CCDC30: variants seen among roughly 807,000 people sequenced by gnomAD.
CCDC30 encodes the protein coiled-coil domain containing 30, also known as coiled-coil domain-containing protein 30.
Under a neutral mutation model 100.2 loss-of-function variants are expected in CCDC30, and 70 were observed. That is an observed-to-expected ratio of 0.70 (90% CI 0.58 to 0.85). The LOEUF (loss-of-function observed/expected upper bound fraction) is 0.85. Among genes scored for constraint, CCDC30 ranks in the 40% least tolerant of loss-of-function variants. The pLI is 0.00. For synonymous variants in CCDC30, 233 were observed against 269.5 expected, an observed-to-expected ratio of 0.86 and a Z score of 1.33; for missense variants, 652 against 771.2, an observed-to-expected ratio of 0.85 and a Z score of 1.83.
the CCDC30 span, chr1:42,456,510 A>AGGGGC: frequency 7.0e-7 from 1 of 1,429,698 alleles, no homozygotes; most frequent in Non-Finnish European, 9.2e-7. Flanking sequence ...GTAGGCGAGA[A>AGGGGC]GGGGCGTGGC....
At chr1:42,639,256 CAG>C (rs1647233518) in intron 12 of CCDC30, among the ~76,000 whole-genome samples, 1 of 149,026 alleles carries the variant, frequency 6.7e-6, no homozygotes, top group South Asian at 2.1e-4. Flanking sequence ...CAGACACAGA[CAG>C]GGGAAGAATG....
chr1:42,558,956 T>G (rs1645428648), intron 6 of CCDC30, among the ~76,000 whole-genome samples: 1 of 152,162 alleles, frequency 6.6e-6, no homozygotes, highest in South Asian at 2.1e-4. Context: ...CAGCAGAAAC[T>G]CTACAAGCCA....
chr1:42,584,207 C>A (rs191056763), intron 9 of CCDC30, among the ~76,000 whole-genome samples: 1 of 152,300 alleles, frequency 6.6e-6, no homozygotes, highest in African/African-American at 2.4e-5. Flanking sequence ...GAAACTTACA[C>A]AGAAGGAATT....
chr1:42,567,549 T>C (rs1645632682), intron 7 of CCDC30, among the ~76,000 whole-genome samples: 1 of 152,126 alleles, frequency 6.6e-6, no homozygotes, highest in African/African-American at 2.4e-5. Context: ...TCTAAGGGAG[T>C]TCTCGTATTC....
chr1:42,539,070 A>G, intron 6 of CCDC30, 103 bp from the exon 8 acceptor site: 1 of 951,904 alleles, frequency 1.1e-6, no homozygotes, highest in Non-Finnish European at 1.4e-6. Flanking sequence ...AAAACAAAAA[A>G]TTTGTCAGGA....
At chr1:42,553,172 G>A (rs1645289321) in intron 6 of CCDC30, among the ~76,000 whole-genome samples, 2 of 152,100 alleles carry the variant, frequency 1.3e-5, no homozygotes, top group Non-Finnish European at 2.9e-5. Context: ...AAAGATGGCA[G>A]ACTTTTGTTT....
intron 11 of CCDC30, among the ~76,000 whole-genome samples, chr1:42,624,831 G>A (rs1646902674): frequency 6.6e-6 from 1 of 152,098 alleles, no homozygotes; most frequent in Non-Finnish European, 1.5e-5. Context: ...ATCAGTGATA[G>A]TGGCCTGCAG....
intron 10 of CCDC30, among the ~76,000 whole-genome samples, chr1:42,602,239 T>G (rs899030799): frequency 1.3e-5 from 2 of 151,738 alleles, no homozygotes; most frequent in Admixed American, 6.6e-5. Flanking sequence ...TAATAAAAAT[T>G]ACAGGAGAAA....
chr1:42,629,292 G>A (rs1461521827), intron 11 of CCDC30, among the ~76,000 whole-genome samples: 3 of 152,176 alleles, frequency 2.0e-5, no homozygotes, highest in Admixed American at 2.0e-4. Flanking sequence ...TATTTTCACT[G>A]GATATACTAT....
chr1:42,570,547 C>T (rs1006970236), intron 7 of CCDC30, among the ~76,000 whole-genome samples: 1 of 152,058 alleles, frequency 6.6e-6, no homozygotes, highest in Non-Finnish European at 1.5e-5. Flanking sequence ...GTGGCCCCTG[C>T]ACACCTTGTC....
intron 10 of CCDC30, chr1:42,593,258 G>A (rs764354797): frequency 7.2e-5 from 11 of 152,122 alleles, no homozygotes; most frequent in Non-Finnish European, 1.3e-4. Context: ...TGATCTTTTT[G>A]TAGGATGGCT....
At chr1:42,468,117 A>G (rs1405289087) in intron 1 of CCDC30, among the ~76,000 whole-genome samples, 1 of 152,136 alleles carries the variant, frequency 6.6e-6, no homozygotes, top group Non-Finnish European at 1.5e-5. Flanking sequence ...CCACTCAATA[A>G]CCCTCATATA....
At chr1:42,564,159 T>C (rs1364493799) in intron 6 of CCDC30, among the ~76,000 whole-genome samples, 1 of 152,240 alleles carries the variant, frequency 6.6e-6, no homozygotes, top group African/African-American at 2.4e-5. Context: ...TCTTATCTAT[T>C]GAATTGTATA....
At chr1:42,557,532 A>T (rs1645393858) in intron 6 of CCDC30, among the ~76,000 whole-genome samples, 1 of 151,990 alleles carries the variant, frequency 6.6e-6, no homozygotes. Context: ...CACAATAGGA[A>T]TGAACTTGCC....
intron 1 of CCDC30, among the ~76,000 whole-genome samples, chr1:42,471,768 C>T (rs1272487121): frequency 6.6e-6 from 1 of 152,052 alleles, no homozygotes; most frequent in Non-Finnish European, 1.5e-5. Flanking sequence ...TGTTTTTCAT[C>T]AGTATGAGTA....
intron 6 of CCDC30, among the ~76,000 whole-genome samples, chr1:42,513,715 T>A (rs1431471454): frequency 6.6e-6 from 1 of 152,234 alleles, no homozygotes; most frequent in Admixed American, 6.5e-5. Context: ...AAATAATTTC[T>A]TTTTAACTCC....
chr1:42,606,035 G>A (rs1028891458), intron 10 of CCDC30, among the ~76,000 whole-genome samples: 5 of 152,108 alleles, frequency 3.3e-5, no homozygotes, highest in African/African-American at 9.7e-5. Flanking sequence ...TTGTGAAAGC[G>A]TATATGTAGA....
At chr1:42,502,772 A>G (rs186266560) in intron 6 of CCDC30, among the ~76,000 whole-genome samples, 23 of 152,340 alleles carry the variant, frequency 1.5e-4, no homozygotes, top group South Asian at 8.3e-4. Flanking sequence ...TACATTTTAC[A>G]TAAGTGGAAC....
intron 7 of CCDC30, among the ~76,000 whole-genome samples, chr1:42,575,572 C>G (rs1054301780): frequency 2.1e-5 from 3 of 140,010 alleles, no homozygotes; most frequent in Non-Finnish European, 4.5e-5. Context: ...ATGGCGTGAA[C>G]CCGGGAGGCA....
Sources: allele counts gnomAD v4.1 joint callset (sites outside exome capture counted in the v4.1 genomes callset), GRCh38; gene constraint gnomAD v4.1.1; transcripts MANE v1.5; gene names NCBI Gene and HGNC (gene_info 2026-07-23, HGNC 2026-07-21).